DPP4: variants seen among roughly 807,000 people sequenced by gnomAD.
The protein encoded by DPP4 is dipeptidyl peptidase 4.
A neutral mutation model predicts 122.4 loss-of-function variants in DPP4; 93 were observed. The observed-to-expected ratio is 0.76, with a 90% CI of 0.64 to 0.90. The LOEUF (loss-of-function observed/expected upper bound fraction) is 0.90, where lower values mean the gene tolerates loss of function less well. DPP4 is among the 40% of genes least tolerant of loss of function. DPP4 has a pLI of 0.00. For missense variants in DPP4, 914 were observed against 907.3 expected, an observed-to-expected ratio of 1.01 and a Z score of -0.09; for synonymous variants, 321 against 302.9, an observed-to-expected ratio of 1.06 and a Z score of -0.62.
Position 162,024,818 on chromosome 2 carries a change from A to C in DPP4, c.1009T>G (p.Trp337Gly). Residue 337 changes from tryptophan to glycine, a missense_variant, in exon 11 of 26, where the codon TGG becomes GGG. Physicochemically the swap from Trp to Gly is radical, Grantham distance 184. Coordinates refer to ENST00000360534, the MANE Select transcript of DPP4 (RefSeq NM_001935.4). Reference sequence around the variant, plus strand: ...TTCAGTCTCACCACTAAGCAGTTCCATCTTCCACTGGATTCATCATAGTCA... The same window carrying C: ...TTCAGTCTCACCACTAAGCAGTTCCCTCTTCCACTGGATTCATCATAGTCA... Reference protein sequence around the residue: ...ICDYDESSGRWNCLVARQHIE... With the variant: ...ICDYDESSGRGNCLVARQHIE... 1 of 1,613,762 alleles carries C rather than the reference A, an allele frequency of 6.2e-7. No individual in the cohort carries two copies. Among genetic ancestry groups the C allele is most frequent in the Non-Finnish European group, 8.5e-7 (1 of 1,180,010 alleles).
intron 11 of DPP4, among the ~76,000 whole-genome samples, chr2:162,024,112 G>A (rs928485655): frequency 6.6e-6 from 1 of 152,228 alleles, no homozygotes; most frequent in Non-Finnish European, 1.5e-5. Context: ...CAGAGGGTCT[G>A]TGACTAGATA....
chr2:162,002,207 C>T (rs1701167124), intron 23 of DPP4, among the ~76,000 whole-genome samples: 1 of 152,162 alleles, frequency 6.6e-6, no homozygotes, highest in Non-Finnish European at 1.5e-5. Context: ...GGCATCCCCG[C>T]CTGTTCCATT....
chr2:161,995,757 C>T (rs1415250981), intron 23 of DPP4, among the ~76,000 whole-genome samples: 1 of 152,200 alleles, frequency 6.6e-6, no homozygotes, highest in East Asian at 1.9e-4. Flanking sequence ...AAGTGTATTG[C>T]CATGGCAACC....
At chr2:162,024,696 G>T in intron 11 of DPP4, 108 bp downstream of exon 11, 1 of 1,419,948 alleles carries the variant, frequency 7.0e-7, no homozygotes. Flanking sequence ...TCAGAAAGAA[G>T]AGAAACTCAA....
chr2:161,996,653 C>T (rs1701012909), intron 23 of DPP4, among the ~76,000 whole-genome samples: 2 of 152,122 alleles, frequency 1.3e-5, no homozygotes, highest in African/African-American at 4.8e-5. Flanking sequence ...TTTCAGTTAC[C>T]TTCAGTATAG....
At chr2:161,994,831 C>T in intron 25 of DPP4, 130 bp downstream of exon 25, 1 of 762,840 alleles carries the variant, frequency 1.3e-6, no homozygotes, top group Non-Finnish European at 2.2e-6. Flanking sequence ...CTTCTGACTT[C>T]ACGTTGAAAA....
chr2:162,013,541 T>C (rs1163155615), intron 19 of DPP4, among the ~76,000 whole-genome samples: 2 of 152,132 alleles, frequency 1.3e-5, no homozygotes, highest in Non-Finnish European at 2.9e-5. Context: ...TTTTTCTCGC[T>C]GGTAACAACA....
Position 162,024,903 on chromosome 2 carries a change from T to C in DPP4, c.924A>G (p.Gln308=). ...HYLCDVTWAT[Q]ERISLQWLRR... is the part of the protein sequence containing the mutation. ...TGAGCCACTGCAAAGAAATTCTTTC[T>C]TGTGTTGCCCATGTCACATCACACA... is the stretch of plus-strand genomic sequence containing the variant. Residue 308 remains glutamine, a synonymous_variant, in exon 11 of 26, where the codon CAA becomes CAG. Coordinates refer to ENST00000360534, the MANE Select transcript of DPP4 (RefSeq NM_001935.4). The C allele has an allele frequency of 1.9e-6, 3 of 1,613,878 alleles. No individual in the cohort carries two copies. The highest frequency in any genetic ancestry group is 1.3e-5 in the African/African-American group (1 of 75,042).
At chr2:162,066,186 C>T (rs1280151327) in intron 2 of DPP4, among the ~76,000 whole-genome samples, 1 of 151,986 alleles carries the variant, frequency 6.6e-6, no homozygotes, top group Non-Finnish European at 1.5e-5. Context: ...TCCTTACCTT[C>T]TCTCCTTCCC....
At chr2:162,035,963 G>T (rs1310762833) in intron 8 of DPP4, among the ~76,000 whole-genome samples, 1 of 152,164 alleles carries the variant, frequency 6.6e-6, no homozygotes, top group Non-Finnish European at 1.5e-5. Flanking sequence ...AGAGAAGAGG[G>T]TCAAAGAGGG....
chr2:162,003,513 G>C (rs79309962), intron 23 of DPP4, among the ~76,000 whole-genome samples: 1,525 of 152,246 alleles, frequency 0.01, 29 homozygotes, highest in African/African-American at 0.035. Flanking sequence ...GCTTGATCTT[G>C]TGCTTCCAGC....
At chr2:162,070,773 T>G (rs1409631417) in intron 2 of DPP4, among the ~76,000 whole-genome samples, 1 of 152,222 alleles carries the variant, frequency 6.6e-6, no homozygotes, top group Non-Finnish European at 1.5e-5. Context: ...GCTTTTATCT[T>G]TATTCCTATG....
chr2:162,019,614 A>G (rs993260080), intron 14 of DPP4, among the ~76,000 whole-genome samples: 4 of 152,088 alleles, frequency 2.6e-5, no homozygotes, highest in Non-Finnish European at 5.9e-5. Context: ...ATTGATCCCG[A>G]TCGTTGTATT....
intron 8 of DPP4, 87 bp downstream of exon 8, chr2:162,038,215 A>C: frequency 7.8e-7 from 1 of 1,284,520 alleles, no homozygotes; most frequent in Non-Finnish European, 1.1e-6. Context: ...TTTCAATCTC[A>C]TTTAAATTTT....
In DPP4 at chr2:162,045,564, G is replaced by T. The variant is rs759792282; in HGVS notation, c.334C>A (p.Gln112Lys). ...INDYSISPDG[Q>K]FILLEYNYVK... is the part of the protein sequence containing the mutation. ...TAGTTGTATTCTAAGAGAATAAACTGCCCATCAGGAGATATTGAATAATCA... is the reference window on the plus strand; with the variant it reads ...TAGTTGTATTCTAAGAGAATAAACTTCCCATCAGGAGATATTGAATAATCA... The change falls in exon 5 of 26, where the codon CAG becomes AAG. Residue 112 changes from glutamine to lysine, a missense_variant. Gln to Lys is a moderately conservative substitution (Grantham distance 53). Coordinates refer to ENST00000360534, the MANE Select transcript of DPP4 (RefSeq NM_001935.4). The T allele has an allele frequency of 1.2e-6, 2 of 1,612,292 alleles. No homozygotes were observed. Among genetic ancestry groups the T allele is most frequent in the East Asian group, 4.5e-5 (2 of 44,834 alleles).
At chr2:162,042,349 A>T (rs1684016900) in intron 5 of DPP4, among the ~76,000 whole-genome samples, 1 of 152,188 alleles carries the variant, frequency 6.6e-6, no homozygotes, top group African/African-American at 2.4e-5. Context: ...ATGAGCAGAG[A>T]TGCTAGGAGA....
In DPP4 at chr2:162,072,786, C is replaced by A. The variant is rs138102916; in HGVS notation, c.94+613G>T. On this transcript the variant is annotated intron_variant, in intron 2 of 25. Transcript: ENST00000360534. ...AGAATCCACCAAAACATCACTGATT[C>A]CAGACCCTTCTTAAATATTATCGTG... Among the ~76,000 whole-genome samples, 130 of 152,282 alleles carry A rather than the reference C, an allele frequency of 8.5e-4. 1 individual carries two copies. Among genetic ancestry groups the A allele is most frequent in the Non-Finnish European group, 1.6e-3 (110 of 68,012 alleles).
At chr2:162,007,205 C>T (rs1405661795) in intron 22 of DPP4, among the ~76,000 whole-genome samples, 1 of 151,940 alleles carries the variant, frequency 6.6e-6, no homozygotes, top group African/African-American at 2.4e-5. Context: ...ATGCTCATAT[C>T]TCTTTTAACT....
At chr2:162,044,063 C>T (rs1684090339) in intron 5 of DPP4, among the ~76,000 whole-genome samples, 2 of 152,036 alleles carry the variant, frequency 1.3e-5, no homozygotes, top group Admixed American at 1.3e-4. Flanking sequence ...CTGGCTTTAC[C>T]CCAGAAACCT....
Sources: gnomAD v4.1 joint callset for allele counts (sites outside exome capture counted in the v4.1 genomes callset) on GRCh38, gnomAD v4.1.1 for gene constraint, MANE v1.5 for transcripts, NCBI Gene and HGNC (gene_info 2026-07-23, HGNC 2026-07-21) for gene names.